Variants in CFAP54 observed in about 807,000 individuals in gnomAD.
CFAP54 encodes cilia and flagella associated protein 54.
A neutral mutation model predicts 370.4 loss-of-function variants in CFAP54; 290 were observed. The observed-to-expected ratio is 0.78, with a 90% confidence interval of 0.71 to 0.86. The LOEUF (loss-of-function observed/expected upper bound fraction) is 0.86. Ranked by LOEUF, CFAP54 falls within the 40% of genes least tolerant of loss-of-function variation. The probability of loss-of-function intolerance (pLI) is 0.00; values close to 1 mark genes in which losing one functional copy is unlikely to be tolerated. For missense variants in CFAP54, 3,399 were observed against 3,528.7 expected (o/e 0.96, Z 0.93); for synonymous variants, 1,206 against 1,236.5 (o/e 0.98, Z 0.52).
intron 45 of CFAP54, among the ~76,000 whole-genome samples, chr12:96,694,013 T>C (rs185313019): frequency 1.1e-3 from 170 of 151,838 alleles, no homozygotes; most frequent in Non-Finnish European, 2.1e-3. Flanking sequence ...TGGGCCACAG[T>C]AAAGTGAGGA....
At chr12:96,766,406 G>A (rs766152463) in intron 60 of CFAP54, among the ~76,000 whole-genome samples, 11 of 152,252 alleles carry the variant, frequency 7.2e-5, no homozygotes, top group Non-Finnish European at 2.9e-5. Flanking sequence ...TGGGGACAAA[G>A]CCATTGACCC....
At position 96,824,880 on chromosome 12, in the gene CFAP54, T is replaced by A. The variant is rs374384029; in HGVS notation, c.9097-4134T>A. Among the ~76,000 whole-genome samples, 12 of 152,046 alleles carry A rather than the reference T, an allele frequency of 7.9e-5. No homozygotes were observed. In the South Asian group the frequency reaches 1.2e-3, roughly 16 times the overall value. ...ATTCTCTATACAATAAAATCCAAAT[T>A]CCTTACTTTTACATGACCTGTTAAA... On this transcript the variant is annotated intron_variant, in intron 65 of 67. Coordinates refer to ENST00000524981, the MANE Select transcript of CFAP54 (RefSeq NM_001306084.2).
At chr12:96,516,161 C>T (rs148318101) in intron 5 of CFAP54, among the ~76,000 whole-genome samples, 8 of 152,010 alleles carry the variant, frequency 5.3e-5, no homozygotes, top group East Asian at 1.9e-4. Context: ...GTGATCCACC[C>T]GCCTCGGCCT....
chr12:96,660,989 A>G (rs1317058000), intron 38 of CFAP54, among the ~76,000 whole-genome samples: 1 of 152,190 alleles, frequency 6.6e-6, no homozygotes, highest in Non-Finnish European at 1.5e-5. Flanking sequence ...GCAGAGGGGA[A>G]GGGGCACAGA....
At chr12:96,615,212 T>C (rs1378291138) in intron 26 of CFAP54, among the ~76,000 whole-genome samples, 1 of 152,026 alleles carries the variant, frequency 6.6e-6, no homozygotes, top group African/African-American at 2.4e-5. Context: ...ATACCACACA[T>C]CTACAACCAT....
At chr12:96,500,689 T>C (rs1054396015) in intron 1 of CFAP54, 145 bp from the exon 2 acceptor site, 37 of 509,332 alleles carry the variant, frequency 7.3e-5, no homozygotes, top group Non-Finnish European at 1.2e-4. Flanking sequence ...TAACTGTAAT[T>C]ACATTTATTA....
chr12:96,743,068 T>G (rs1383698205), intron 52 of CFAP54, among the ~76,000 whole-genome samples: 1 of 152,196 alleles, frequency 6.6e-6, no homozygotes, highest in East Asian at 1.9e-4. Context: ...TGTTCTTAGA[T>G]CACAGCTTGG....
At chr12:96,527,651 A>G (rs1468866141) in intron 9 of CFAP54, among the ~76,000 whole-genome samples, 5 of 151,586 alleles carry the variant, frequency 3.3e-5, no homozygotes, top group Non-Finnish European at 7.4e-5. Flanking sequence ...ACATTGCAGC[A>G]TCAACTTCCT....
intron 26 of CFAP54, among the ~76,000 whole-genome samples, chr12:96,614,848 A>G (rs1303548240): frequency 2.6e-5 from 4 of 152,214 alleles, no homozygotes; most frequent in African/African-American, 9.6e-5. Flanking sequence ...CCACTGCTCA[A>G]TGAAATAAAA....
At chr12:96,705,180 T>G (rs1042100340) in intron 47 of CFAP54, among the ~76,000 whole-genome samples, 1 of 152,168 alleles carries the variant, frequency 6.6e-6, no homozygotes, top group East Asian at 1.9e-4. Context: ...AGACGACAGT[T>G]AATGCAGATA....
At chr12:96,827,848 A>T (rs1442595536) in intron 65 of CFAP54, among the ~76,000 whole-genome samples, 1 of 112,300 alleles carries the variant, frequency 8.9e-6, no homozygotes. Flanking sequence ...ATATATAATT[A>T]TATATAATAC....
chr12:96,855,131 G>A (rs1252639064), intron 66 of CFAP54, among the ~76,000 whole-genome samples: 1 of 152,092 alleles, frequency 6.6e-6, no homozygotes, highest in East Asian at 1.9e-4. Context: ...CAGATCTCAC[G>A]AGAACTCACT....
chr12:96,584,118 TCC>T (rs1956054642), intron 22 of CFAP54, among the ~76,000 whole-genome samples: 1 of 151,972 alleles, frequency 6.6e-6, no homozygotes, highest in African/African-American at 2.4e-5. Context: ...TAATCAAAAC[TCC>T]TTTTATTAAT....
chr12:96,796,504 A>G (rs1958764028), intron 63 of CFAP54, among the ~76,000 whole-genome samples: 1 of 152,182 alleles, frequency 6.6e-6, no homozygotes, highest in African/African-American at 2.4e-5. Context: ...TCTGAGAAAT[A>G]GCGATATCAT....
chr12:96,825,136 G>A (rs933459223), intron 65 of CFAP54, among the ~76,000 whole-genome samples: 2 of 147,282 alleles, frequency 1.4e-5, no homozygotes, highest in African/African-American at 5.0e-5. Flanking sequence ...CTTCCTCCAG[G>A]AAGTCTTCCA....
intron 30 of CFAP54, among the ~76,000 whole-genome samples, chr12:96,629,472 A>T (rs1369464138): frequency 2.8e-5 from 4 of 142,360 alleles, no homozygotes; most frequent in African/African-American, 1.0e-4. Flanking sequence ...CGCCCAACTA[A>T]TTTTTTTTTT....
intron 40 of CFAP54, 107 bp from the exon 41 acceptor site, chr12:96,684,541 G>A: frequency 1.2e-6 from 1 of 829,870 alleles, no homozygotes; most frequent in Non-Finnish European, 2.0e-6. Context: ...TTTGCTTATT[G>A]CAATCTACAC....
chr12:96,859,371 C>A (rs1357889834), intron 66 of CFAP54, among the ~76,000 whole-genome samples: 1 of 151,688 alleles, frequency 6.6e-6, no homozygotes, highest in Non-Finnish European at 1.5e-5. Context: ...AACAAGCAGT[C>A]CTACTCCAGA....
chr12:96,518,996 C>G lies in CFAP54; in HGVS notation c.867C>G (p.Tyr289Ter). Residue 289 changes from tyrosine (Y) to a stop codon, truncating the protein, a stop_gained, in exon 6 of 68, where the codon TAC becomes TAG. Transcript: ENST00000524981. LOFTEE classifies it high-confidence loss of function. ...TGGTCCCGCTCCTGTCACTCAGGTA[C>G]TTGACATGGCGCGCTACTCTCTACA... Reference protein sequence around the residue: ...ESLVPLLSLRYLTWRATLYTA... With the variant: ...ESLVPLLSLR The G allele has an allele frequency of 6.5e-7, 1 of 1,535,974 alleles. No individual in the cohort carries two copies. The highest frequency in any genetic ancestry group is 8.7e-7 in the Non-Finnish European group (1 of 1,146,864).
Sources: gnomAD v4.1 joint callset for allele counts (sites outside exome capture counted in the v4.1 genomes callset) on GRCh38, gnomAD v4.1.1 for gene constraint, MANE v1.5 for transcripts, NCBI Gene and HGNC (gene_info 2026-07-23, HGNC 2026-07-21) for gene names.